KRT26: variants seen among roughly 807,000 people sequenced by gnomAD.
KRT26 encodes the protein keratin, type I cytoskeletal 26.
In KRT26, 45 loss-of-function variants were observed where a neutral mutation model predicts 46.1. The observed-to-expected ratio is 0.98, with a 90% CI of 0.77 to 1.25. KRT26 has a LOEUF of 1.25. Ranked by LOEUF, KRT26 falls within the 50% of genes most tolerant of loss-of-function variation. KRT26 has a pLI of 0.00. For synonymous variants in KRT26, 191 were observed against 209.9 expected (o/e 0.91, Z 0.78); for missense variants, 582 against 560.1 (o/e 1.04, Z -0.39).
chr17:40,768,031 A>G (rs1037159943), intron 6 of KRT26, among the ~76,000 whole-genome samples: 1 of 152,228 alleles, frequency 6.6e-6, no homozygotes, highest in African/African-American at 2.4e-5. Context: ...TAAAGTATAC[A>G]CATGCAAAAA....
At chr17:40,769,779 ATTTCCAGGG>A in exon 5 of KRT26, 1 of 1,614,132 alleles carries the variant, frequency 6.2e-7, no homozygotes, top group Non-Finnish European at 8.5e-7. Context: ...CTGAAGTTCT[ATTTCCAGGG>A]TTTGCAGATT....
rs141200208 is a variant in KRT26 at position 40,766,538 on chromosome 17, G to A, written c.1384C>T (p.Arg462Ter). 7.5e-6 allele frequency: 12 copies of A among 1,608,596 alleles called. No individual in the cohort carries two copies. Among genetic ancestry groups the A allele is most frequent in the Middle Eastern group, 1.7e-4 (1 of 6,010 alleles). The change falls in exon 8 of 8, where the codon CGA (arginine) becomes TGA (stop). Residue 462 changes from arginine (R) to a stop codon, truncating the protein, a stop_gained. Coordinates refer to ENST00000335552, the Ensembl canonical transcript of KRT26. LOFTEE classifies it low-confidence loss of function (END_TRUNC). ...CATTATGGTGCTTTAGAAGGTACTCGTTGCTCTACTGTAATGTTGCTTATT... is the reference window on the plus strand; with the variant it reads ...CATTATGGTGCTTTAGAAGGTACTCATTGCTCTACTGTAATGTTGCTTATT...
chr17:40,770,318 CG>C lies in KRT26; in HGVS notation c.615del (p.Asp206ThrfsTer13). The C allele has an allele frequency of 6.2e-7, 1 of 1,614,036 alleles. No individual in the cohort carries two copies. On this transcript the variant is annotated frameshift_variant, in exon 3 of 8. Coordinates refer to ENST00000335552, the Ensembl canonical transcript of KRT26. LOFTEE classifies it high-confidence loss of function. Reference sequence around the variant, plus strand: ...AGGGTCTCACACTGTATCTCCAGGTCGGTTGTACAAAGGGTCAGTTCATCCA... The same window carrying C: ...AGGGTCTCACACTGTATCTCCAGGTCGTTGTACAAAGGGTCAGTTCATCCA...
chr17:40,766,616 T>A, exon 8 of KRT26: 1 of 1,613,166 alleles, frequency 6.2e-7, no homozygotes. Context: ...AGATTGCCAA[T>A]TTGATCCAGT....
exon 1 of KRT26, chr17:40,771,937 G>A (rs751899879): frequency 5.6e-6 from 9 of 1,613,908 alleles, no homozygotes; most frequent in African/African-American, 1.3e-5. Context: ...ACCCTCCACC[G>A]CTATTGCAGA....
exon 1 of KRT26, chr17:40,771,832 C>T (rs1317720146): frequency 6.2e-7 from 1 of 1,613,064 alleles, no homozygotes; most frequent in Non-Finnish European, 8.5e-7. Context: ...GGTAGGATGC[C>T]AGGCGGTCGT....
chr17:40,768,872 T>C lies in KRT26; in HGVS notation c.1187+7A>G. On this transcript the variant is annotated splice_region_variant and intron_variant, in intron 6 of 7. Coordinates refer to ENST00000335552, the Ensembl canonical transcript of KRT26. ...GTTTTTTTTTTTTTTTGCAAGTTAA[T>C]CTTTACCTTTCTTCTCCATCTAGTA... is the stretch of plus-strand genomic sequence containing the variant. The C allele has an allele frequency of 7.7e-7, 1 of 1,300,242 alleles. No homozygotes were observed. The highest frequency in any genetic ancestry group is 1.1e-6 in the Non-Finnish European group (1 of 920,520). The allele number at this position is 1,300,242 out of a possible 1,614,324, so 80.5% of individuals were successfully genotyped here. A position where few individuals can be genotyped will look rare whatever the true frequency, so the allele number is the denominator to read the frequency against.
In KRT26 at chr17:40,771,706, TC is replaced by T; in HGVS notation, c.407del (p.Arg136AsnfsTer6). The T allele has an allele frequency of 6.2e-7, 1 of 1,614,040 alleles. No homozygotes were observed. Among genetic ancestry groups the T allele is most frequent in the African/African-American group, 1.3e-5 (1 of 75,050 alleles). On this transcript the variant is annotated frameshift_variant, in exon 1 of 8. Transcript: ENST00000335552. LOFTEE classifies it high-confidence loss of function. ...TAAGATCTTCTATGACTGAGAAGTA[TC>T]TGCTATAGTCATGATCGTGTTCCCG... is the stretch of plus-strand genomic sequence containing the variant.
Position 40,769,737 on chromosome 17 carries a change from T to C in KRT26, c.969+17A>G, listed in dbSNP as rs1478419767. On this transcript the variant is annotated intron_variant, in intron 5 of 7. Transcript: ENST00000335552. Reference sequence around the variant, plus strand: ...ATATTCACACATATATTCAATTCAATGGCGATTCCTACGTACCACAGCCAT... The same window carrying C: ...ATATTCACACATATATTCAATTCAACGGCGATTCCTACGTACCACAGCCAT... 6.2e-7 allele frequency: 1 copy of C among 1,614,008 alleles called. No homozygotes were observed. Among genetic ancestry groups the C allele is most frequent in the Admixed American group, 1.7e-5 (1 of 60,020 alleles).
At chr17:40,769,250 G>A (rs2058251) in intron 5 of KRT26, among the ~76,000 whole-genome samples, 154 bp from the exon 6 acceptor site, 53,284 of 151,996 alleles carry the variant, frequency 0.35, 10,096 homozygotes, top group East Asian at 0.65. Flanking sequence ...CTCTCTTCCT[G>A]TGTTCAAGTG....
chr17:40,768,657 C>A (rs1474576042), intron 6 of KRT26, among the ~76,000 whole-genome samples: 1 of 152,082 alleles, frequency 6.6e-6, no homozygotes, highest in Non-Finnish European at 1.5e-5. Flanking sequence ...ATTTAAATGT[C>A]CTTTATATAT....
intron 2 of KRT26, among the ~76,000 whole-genome samples, 171 bp from the exon 3 acceptor site, chr17:40,770,580 A>G (rs2038215227): frequency 6.6e-6 from 1 of 152,228 alleles, no homozygotes; most frequent in African/African-American, 2.4e-5. Flanking sequence ...CATGAATTGT[A>G]TTTTGGGGAT....
exon 6 of KRT26, chr17:40,768,912 T>C (rs770050549): frequency 6.2e-7 from 1 of 1,605,342 alleles, no homozygotes; most frequent in Non-Finnish European, 8.5e-7. Context: ...GCAATAAATG[T>C]CAATTTCTTT....
chr17:40,768,672 C>T (rs1037901620), intron 6 of KRT26, among the ~76,000 whole-genome samples: 1 of 152,124 alleles, frequency 6.6e-6, no homozygotes, highest in East Asian at 1.9e-4. Flanking sequence ...ATATATTATA[C>T]ATACAAATAT....
chr17:40,771,950 C>G (rs1204269153), exon 1 of KRT26: 2 of 1,614,108 alleles, frequency 1.2e-6, no homozygotes, highest in Non-Finnish European at 1.7e-6. Context: ...ATTGCAGAAG[C>G]TTCCTCCAGA....
intron 7 of KRT26, among the ~76,000 whole-genome samples, chr17:40,767,284 T>C (rs1390025440): frequency 2.6e-5 from 4 of 152,204 alleles, no homozygotes; most frequent in Non-Finnish European, 5.9e-5. Flanking sequence ...CCGATTTTTG[T>C]GGTTTAAGAT....
At chr17:40,769,218 C>T (rs1214541365) in intron 5 of KRT26, 122 bp from the exon 6 acceptor site, 11 of 625,086 alleles carry the variant, frequency 1.8e-5, no homozygotes, top group Non-Finnish European at 3.0e-5. Context: ...AGTGCAGTGG[C>T]ATGATCTTGG....
chr17:40,769,185 G>A, intron 5 of KRT26, 89 bp from the exon 6 acceptor site: 1 of 806,546 alleles, frequency 1.2e-6, no homozygotes, highest in Non-Finnish European at 1.9e-6. Context: ...TTGAGACTGT[G>A]TCTTGCTCTG....
At chr17:40,770,499 A>G in intron 2 of KRT26, 90 bp from the exon 3 acceptor site, 1 of 1,067,042 alleles carries the variant, frequency 9.4e-7, no homozygotes, top group Non-Finnish European at 1.4e-6. Context: ...GAAAGATATG[A>G]TGTTCTGTAC....
Sources: gnomAD v4.1 joint callset for allele counts (sites outside exome capture counted in the v4.1 genomes callset) on GRCh38, gnomAD v4.1.1 for gene constraint, MANE v1.5 for transcripts, NCBI Gene and HGNC (gene_info 2026-07-23, HGNC 2026-07-21) for gene names.